Variants in ZBTB32 observed in about 807,000 individuals in gnomAD.
ZBTB32 encodes zinc finger and BTB domain containing 32, also known as zinc finger and BTB domain-containing protein 32.
A neutral mutation model predicts 45.3 loss-of-function variants in ZBTB32; 28 were observed. The ratio of observed to expected loss-of-function variants is 0.62; its 90% confidence interval spans 0.46 to 0.85. ZBTB32 has a LOEUF of 0.85. Ranked by LOEUF, ZBTB32 falls within the 40% of genes least tolerant of loss-of-function variation. The pLI, the probability that ZBTB32 is intolerant of heterozygous loss-of-function variation, is 0.00. For synonymous variants in ZBTB32, 283 were observed against 255.7 expected, an observed-to-expected ratio of 1.11 and a Z score of -1.02; for missense variants, 587 against 624.4, an observed-to-expected ratio of 0.94 and a Z score of 0.64.
intron 1 of ZBTB32, among the ~76,000 whole-genome samples, chr19:35,710,890 A>C (rs542840842): frequency 1.2e-4 from 19 of 152,322 alleles, no homozygotes; most frequent in Middle Eastern, 3.4e-3. Flanking sequence ...AGAAGTGCTC[A>C]GGGTGTCATC....
chr19:35,711,191 G>A (rs73590564), intron 1 of ZBTB32, among the ~76,000 whole-genome samples: 14,248 of 152,220 alleles, frequency 0.094, 760 homozygotes, highest in South Asian at 0.11. Context: ...GCTGGAAAGC[G>A]AGGGGGCCAC....
rs139915988 is a variant in ZBTB32 at position 35,705,143 on chromosome 19, G to A, written c.-222+520G>A. On this transcript the variant is annotated intron_variant, in intron 1 of 6. Coordinates refer to ENST00000392197, the MANE Select transcript of ZBTB32 (RefSeq NM_014383.3). ...CAACATGGAGAAACCCTGTCTCTAC[G>A]GGGTTTCTAAAAAAAATTACCTGGG... Among the ~76,000 whole-genome samples, 27 of 151,990 alleles carry A rather than the reference G, an allele frequency of 1.8e-4. No individual in the cohort carries two copies. In the East Asian group the frequency reaches 3.1e-3, roughly 18 times the overall value.
chr19:35,713,929 T>C (rs23595), intron 2 of ZBTB32, among the ~76,000 whole-genome samples: 46,797 of 152,194 alleles, frequency 0.31, 8,369 homozygotes, highest in African/African-American at 0.5. Flanking sequence ...TGCTCTCCTC[T>C]TTCTCTGGAT....
At chr19:35,708,599 A>G (rs996589409) in intron 1 of ZBTB32, among the ~76,000 whole-genome samples, 10 of 152,096 alleles carry the variant, frequency 6.6e-5, no homozygotes, top group African/African-American at 2.4e-4. Context: ...CTGTTTTCCA[A>G]CTTCTAGTCT....
Position 35,708,604 on chromosome 19 carries a change from TA to T in ZBTB32, c.-222+3982del, listed in dbSNP as rs140453647. Among the ~76,000 whole-genome samples, 601 of 152,302 alleles carry T rather than the reference TA, an allele frequency of 3.9e-3. 4 individuals carry two copies. The highest frequency in any genetic ancestry group is 0.014 in the African/African-American group (587 of 41,570). On this transcript the variant is annotated intron_variant, in intron 1 of 6. Transcript: ENST00000392197. ...GCAGTGAAACCTGTTTTCCAACTTC[TA>T]GTCTAGTTCTTTTTCCAGTTAATCC...
At position 35,715,451 on chromosome 19, in the gene ZBTB32, C is replaced by A; in HGVS notation, c.825C>A (p.Pro275=). 1 of 1,583,024 alleles carries A rather than the reference C, an allele frequency of 6.3e-7. No individual in the cohort carries two copies. The change falls in exon 3 of 7, where the codon CCC becomes CCA. Residue 275 remains proline, a synonymous_variant. Transcript: ENST00000392197. ...ILLMPPRYGI[P]FYHSTPTTGA... is the part of the protein sequence containing the mutation. ...TGATGCCGCCCAGATATGGCATTCC[C>A]TTCTACCATAGCACCCCCACCACTG...
rs1425371916 is a variant in ZBTB32 at position 35,716,196 on chromosome 19, C to T, written c.1088C>T (p.Pro363Leu). 2 of 1,613,924 alleles carry T rather than the reference C, an allele frequency of 1.2e-6. No homozygotes were observed. The highest frequency in any genetic ancestry group is 2.2e-5 in the South Asian group (2 of 91,048). ...KAGCPPRPHPPPAPPARSRPY... is the reference protein window; with the variant it reads ...KAGCPPRPHPLPAPPARSRPY... ...GGCTGCCCACCTCGCCCGCACCCTC[C>T]CCCGGCCCCTCCTGCTCGGTCTCGG... is the stretch of plus-strand genomic sequence containing the variant. Residue 363 changes from proline (P) to leucine (L), a missense_variant, in exon 6 of 7, where the codon CCC becomes CTC. Pro to Leu is a moderately conservative substitution (Grantham distance 98). Transcript: ENST00000392197.
chr19:35,710,263 C>T (rs1471161746), intron 1 of ZBTB32, among the ~76,000 whole-genome samples: 2 of 152,038 alleles, frequency 1.3e-5, no homozygotes, highest in East Asian at 3.8e-4. Flanking sequence ...AGGCTGATAT[C>T]ATATTGCCTT....
chr19:35,713,891 G>C (rs956120794), intron 2 of ZBTB32, among the ~76,000 whole-genome samples: 1 of 152,190 alleles, frequency 6.6e-6, no homozygotes, highest in Admixed American at 6.5e-5. Flanking sequence ...ATTGGGTCAG[G>C]AGCCTCCTCT....
chr19:35,714,514 C>A lies in ZBTB32; in HGVS notation c.-104-9C>A. 3 of 1,230,656 alleles carry A rather than the reference C, an allele frequency of 2.4e-6. No individual in the cohort carries two copies. Among genetic ancestry groups the A allele is most frequent in the Non-Finnish European group, 2.2e-6 (2 of 911,752 alleles). 76.2% of individuals were successfully genotyped at this position (1,230,656 alleles called of 1,614,324 possible). On this transcript the variant is annotated splice_polypyrimidine_tract_variant and intron_variant, in intron 2 of 6. Transcript: ENST00000392197. ...CAGCAACTCACACCCTCTCCCCTCA[C>A]ATCCACAGGCTTGAAATGAGATGAG...
intron 1 of ZBTB32, among the ~76,000 whole-genome samples, chr19:35,709,195 T>G (rs1412542783): frequency 3.3e-5 from 5 of 152,156 alleles, no homozygotes; most frequent in Non-Finnish European, 5.9e-5. Flanking sequence ...TGTGGGGAAT[T>G]TAACCACCTT....
intron 1 of ZBTB32, among the ~76,000 whole-genome samples, chr19:35,709,721 T>C (rs1224837821): frequency 6.6e-6 from 1 of 151,390 alleles, no homozygotes; most frequent in Non-Finnish European, 1.5e-5. Flanking sequence ...CTACTAAAAA[T>C]ACAAAAAATT....
rs1282110353 is a variant in ZBTB32 at position 35,715,779 on chromosome 19, C to T, written c.904C>T (p.Pro302Ser). Residue 302 changes from proline (P) to serine (S), a missense_variant, in exon 4 of 7, where the codon CCC becomes TCC. By Grantham distance (74) the Pro-to-Ser change is moderately conservative. Transcript: ENST00000392197. The part of the protein sequence containing the change: ...EQRIPLSLNA[P>S]KGLWSQNQLA... Reference sequence around the variant, plus strand: ...CAGGATCCCACTGTCCCTAAATGCCCCCAAAGGGCTCTGGAGCCAGAACCA... The same window carrying T: ...CAGGATCCCACTGTCCCTAAATGCCTCCAAAGGGCTCTGGAGCCAGAACCA... The T allele has an allele frequency of 6.2e-7, 1 of 1,613,274 alleles. No homozygotes were observed. Among genetic ancestry groups the T allele is most frequent in the Non-Finnish European group, 8.5e-7 (1 of 1,179,742 alleles).
At position 35,715,035 on chromosome 19, in the gene ZBTB32, A is replaced by C; in HGVS notation, c.409A>C (p.Asn137His). ...GGAGGAGCCAGAGAAACCCTCAAGG[A>C]ATCCTGAGAGAGAACTGGGGGACCC... ...HQEEPEKPSR[N>H]PERELGDPGE... Residue 137 changes from asparagine (N) to histidine (H), a missense_variant, in exon 3 of 7, where the codon AAT becomes CAT. Asn to His is a moderately conservative substitution (Grantham distance 68). Coordinates refer to ENST00000392197, the MANE Select transcript of ZBTB32 (RefSeq NM_014383.3). 1 of 1,613,044 alleles carries C rather than the reference A, an allele frequency of 6.2e-7. No individual in the cohort carries two copies. Among genetic ancestry groups the C allele is most frequent in the Non-Finnish European group, 8.5e-7 (1 of 1,179,744 alleles).
rs776210862 is a variant in ZBTB32, at chr19:35,715,273, G to A, written c.647G>A (p.Arg216Lys). The change falls in exon 3 of 7, where the codon AGG becomes AAG. Residue 216 changes from arginine (R) to lysine (K), a missense_variant. Physicochemically the swap from Arg to Lys is conservative, Grantham distance 26. Transcript: ENST00000392197. Reference protein sequence around the residue: ...DGKHGVLTWLRENPGGSEESL... With the variant: ...DGKHGVLTWLKENPGGSEESL... ...AAGCATGGAGTGCTCACGTGGTTGA[G>A]GGAAAATCCAGGGGGCTCTGAGGAA... 5 of 1,585,396 alleles carry A rather than the reference G, an allele frequency of 3.2e-6. No homozygotes were observed. The highest frequency in any genetic ancestry group is 4.3e-6 in the Non-Finnish European group (5 of 1,167,704).
chr19:35,709,644 C>G (rs1369358287), intron 1 of ZBTB32, among the ~76,000 whole-genome samples: 2 of 152,148 alleles, frequency 1.3e-5, no homozygotes, highest in Non-Finnish European at 2.9e-5. Context: ...TTTTGGGATG[C>G]CAAGGCGGGC....
chr19:35,708,143 A>G (rs541891302), intron 1 of ZBTB32, among the ~76,000 whole-genome samples: 8 of 152,078 alleles, frequency 5.3e-5, no homozygotes, highest in Non-Finnish European at 7.3e-5. Context: ...GTGTTGGCCC[A>G]TACTTCAAGG....
In ZBTB32 at chr19:35,715,284, G is replaced by T; in HGVS notation, c.658G>T (p.Gly220Trp). The change falls in exon 3 of 7, where the codon GGG (glycine) becomes TGG (tryptophan). Residue 220 changes from glycine to tryptophan, a missense_variant. Physicochemically the swap from Gly to Trp is radical, Grantham distance 184. Transcript: ENST00000392197. ...GCTCACGTGGTTGAGGGAAAATCCAGGGGGCTCTGAGGAAAGTCTGCGCAA... is the reference window on the plus strand; with the variant it reads ...GCTCACGTGGTTGAGGGAAAATCCATGGGGCTCTGAGGAAAGTCTGCGCAA... ...GVLTWLRENP[G>W]GSEESLRKLP... The T allele has an allele frequency of 6.3e-7, 1 of 1,583,588 alleles. No homozygotes were observed. Among genetic ancestry groups the T allele is most frequent in the Non-Finnish European group, 8.6e-7 (1 of 1,166,778 alleles).
chr19:35,708,798 T>C (rs777561870), intron 1 of ZBTB32, among the ~76,000 whole-genome samples: 1 of 151,604 alleles, frequency 6.6e-6, no homozygotes, highest in African/African-American at 2.4e-5. Flanking sequence ...AGACGGAACA[T>C]CTTTTTTTTC....
Sources: allele counts gnomAD v4.1 joint callset (sites outside exome capture counted in the v4.1 genomes callset), GRCh38; gene constraint gnomAD v4.1.1; transcripts MANE v1.5; gene names NCBI Gene and HGNC (gene_info 2026-07-23, HGNC 2026-07-21).